The following EPDR1 variants were observed in gnomAD, a reference collection of about 807,000 sequenced individuals.
EPDR1 encodes the protein ependymin related 1, also known as mammalian ependymin-related protein 1.
In EPDR1, 27 loss-of-function variants were observed where a neutral mutation model predicts 23.7. The observed-to-expected ratio is 1.14, with a 90% confidence interval of 0.84 to 1.57. The LOEUF is 1.57. Ranked by LOEUF, EPDR1 falls within the 40% of genes most tolerant of loss-of-function variation. The probability of loss-of-function intolerance (pLI) is 0.00; values close to 1 mark genes in which losing one functional copy is unlikely to be tolerated. For synonymous variants in EPDR1, 137 were observed against 118.2 expected, an observed-to-expected ratio of 1.16 and a Z score of -1.03; for missense variants, 349 against 290.4, an observed-to-expected ratio of 1.20 and a Z score of -1.47.
At chr7:37,931,055 AT>A (rs140074253) in intron 1 of EPDR1, among the ~76,000 whole-genome samples, 58 of 150,892 alleles carry the variant, frequency 3.8e-4, no homozygotes, top group South Asian at 1.5e-3. Flanking sequence ...AAATTATTCA[AT>A]TTTTTTTTTC....
At position 37,948,786 on chromosome 7, in the gene EPDR1, G is replaced by C. The variant is rs977110226; in HGVS notation, c.270-54G>C. The C allele has an allele frequency of 6.3e-6, 9 of 1,423,672 alleles. No individual in the cohort carries two copies. In the East Asian group the frequency reaches 2.1e-4, roughly 32 times the overall value. The allele number at this position is 1,423,672 out of a possible 1,614,324, so 88.2% of individuals were successfully genotyped here. Reference sequence around the variant, plus strand: ...TCAAAGGTGTTTGTGCTGTTAAAAGGCACGAGGATGGTAACATGAAGTCCC... The same window carrying C: ...TCAAAGGTGTTTGTGCTGTTAAAAGCCACGAGGATGGTAACATGAAGTCCC... On this transcript the variant is annotated intron_variant, in intron 1 of 2. Coordinates refer to ENST00000199448, the MANE Select transcript of EPDR1 (RefSeq NM_017549.5).
At chr7:37,941,261 G>C (rs1048121817) in intron 1 of EPDR1, among the ~76,000 whole-genome samples, 4 of 152,154 alleles carry the variant, frequency 2.6e-5, no homozygotes, top group Non-Finnish European at 4.4e-5. Flanking sequence ...TTCAGGAAAC[G>C]GATTTGCCTA....
In EPDR1 at chr7:37,950,963, A is replaced by T. The variant is rs1786394264; in HGVS notation, c.*567A>T. ...AACTTAAATCCCTTCCAGACTTAAG[A>T]ATTTTATGGCATGGCCCAATTGATA... On this transcript the variant is annotated 3_prime_UTR_variant, in exon 3 of 3. Transcript: ENST00000199448. 6.6e-6 allele frequency: 1 copy of T among 152,224 alleles called. No individual in the cohort carries two copies. The highest frequency in any genetic ancestry group is 2.1e-4 in the South Asian group (1 of 4,836). The allele number at this position is 152,224 out of a possible 1,614,324, so 9.4% of individuals were successfully genotyped here. A position where few individuals can be genotyped will look rare whatever the true frequency, so the allele number is the denominator to read the frequency against.
At chr7:37,940,794 G>C (rs1216655347) in intron 1 of EPDR1, among the ~76,000 whole-genome samples, 3 of 133,370 alleles carry the variant, frequency 2.2e-5, no homozygotes, top group Non-Finnish European at 5.0e-5. Context: ...ATATGAATTC[G>C]AGTTTTTTTT....
intron 1 of EPDR1, among the ~76,000 whole-genome samples, chr7:37,945,358 T>A (rs1176396086): frequency 6.6e-6 from 1 of 152,226 alleles, no homozygotes; most frequent in Non-Finnish European, 1.5e-5. Flanking sequence ...AAGGTATGTG[T>A]CTGGGTTATT....
chr7:37,941,126 G>T (rs1338962798), intron 1 of EPDR1, among the ~76,000 whole-genome samples: 2 of 152,152 alleles, frequency 1.3e-5, no homozygotes, highest in African/African-American at 4.8e-5. Context: ...GACTTTAATT[G>T]TTTGTCATAC....
chr7:37,945,559 G>A (rs938256797), intron 1 of EPDR1, among the ~76,000 whole-genome samples: 1 of 152,154 alleles, frequency 6.6e-6, no homozygotes, highest in African/African-American at 2.4e-5. Flanking sequence ...GATTACAATG[G>A]AGCTGAAAAA....
At chr7:37,932,160 GT>G (rs36088957) in intron 1 of EPDR1, among the ~76,000 whole-genome samples, 50,679 of 151,814 alleles carry the variant, frequency 0.33, 8,684 homozygotes, top group South Asian at 0.45. Flanking sequence ...CACTTAATAT[GT>G]TTTTTTCCCC....
intron 1 of EPDR1, among the ~76,000 whole-genome samples, chr7:37,931,797 C>T (rs1785946227): frequency 6.6e-6 from 1 of 152,134 alleles, no homozygotes; most frequent in South Asian, 2.1e-4. Flanking sequence ...CTCCTGGGTT[C>T]AAGTGATTCT....
Position 37,920,647 on chromosome 7 carries a change from A to AC in EPDR1, c.-291dup. 1 of 1,568,534 alleles carries AC rather than the reference A, an allele frequency of 6.4e-7. No individual in the cohort carries two copies. The highest frequency in any genetic ancestry group is 8.7e-7 in the Non-Finnish European group (1 of 1,150,940). On this transcript the variant is annotated 5_prime_UTR_variant, in exon 1 of 3. Transcript: ENST00000199448. Reference sequence around the variant, plus strand: ...CTGTTGGCAGCAGTGAGCAGTGAAAACCGAAGCGGCAGAAGGCAGTGGCAG... The same window carrying AC: ...CTGTTGGCAGCAGTGAGCAGTGAAAACCCGAAGCGGCAGAAGGCAGTGGCAG...
intron 1 of EPDR1, among the ~76,000 whole-genome samples, chr7:37,934,026 G>C (rs373948145): frequency 2.8e-3 from 415 of 149,726 alleles, no homozygotes; most frequent in African/African-American, 9.3e-3. Flanking sequence ...ACCTAGGCTG[G>C]AGTGCAGTGG....
In EPDR1 at chr7:37,950,244, G is replaced by T. The variant is rs1324273414; in HGVS notation, c.523G>T (p.Val175Phe). The part of the protein sequence containing the change: ...GIYTVKDCYP[V>F]QETFTINYSV... Reference sequence around the variant, plus strand: ...CTATACAGTCAAGGATTGCTATCCTGTCCAGGAAACCTTTACCATAAACTA... The same window carrying T: ...CTATACAGTCAAGGATTGCTATCCTTTCCAGGAAACCTTTACCATAAACTA... Residue 175 changes from valine (V) to phenylalanine (F), a missense_variant, in exon 3 of 3, where the codon GTC (valine) becomes TTC (phenylalanine). Val to Phe is a conservative substitution (Grantham distance 50). Transcript: ENST00000199448. 6.2e-7 allele frequency: 1 copy of T among 1,614,070 alleles called. No homozygotes were observed. Among genetic ancestry groups the T allele is most frequent in the Non-Finnish European group, 8.5e-7 (1 of 1,179,990 alleles).
At chr7:37,937,734 G>T (rs35123011) in intron 1 of EPDR1, among the ~76,000 whole-genome samples, 36,500 of 152,004 alleles carry the variant, frequency 0.24, 4,623 homozygotes, top group East Asian at 0.31. Context: ...AGTTTCTCAA[G>T]TTCCACACCT....
At chr7:37,942,852 C>G (rs940733878) in intron 1 of EPDR1, among the ~76,000 whole-genome samples, 1 of 152,076 alleles carries the variant, frequency 6.6e-6, no homozygotes, top group African/African-American at 2.4e-5. Flanking sequence ...CATGGTGATT[C>G]GAGAGCCTAC....
chr7:37,931,251 C>T (rs769103960), intron 1 of EPDR1, among the ~76,000 whole-genome samples: 8 of 152,124 alleles, frequency 5.3e-5, no homozygotes, highest in Non-Finnish European at 8.8e-5. Flanking sequence ...CGGTGGCTCA[C>T]GCTTGTAATC....
intron 1 of EPDR1, among the ~76,000 whole-genome samples, chr7:37,924,971 A>T (rs1411727895): frequency 6.6e-6 from 1 of 152,214 alleles, no homozygotes. Flanking sequence ...TCCCATTGAT[A>T]GTTACTGTGG....
chr7:37,928,626 C>T (rs1562857654), intron 1 of EPDR1, among the ~76,000 whole-genome samples: 2 of 152,114 alleles, frequency 1.3e-5, no homozygotes, highest in African/African-American at 4.8e-5. Flanking sequence ...AGATTAATTC[C>T]CCAATCTTGA....
Position 37,931,055 on chromosome 7 carries a change from A to ATTT in EPDR1, c.269+9855_269+9857dup, listed in dbSNP as rs140074253. Among the ~76,000 whole-genome samples the ATTT allele has an allele frequency of 4.0e-4, 60 of 150,886 alleles. 1 individual carries two copies. The highest frequency in any genetic ancestry group is 3.4e-3 in the Middle Eastern group (1 of 294). On this transcript the variant is annotated intron_variant, in intron 1 of 2. Transcript: ENST00000199448. ...TTTAGTCAGCTAGAGAAATTATTCA[A>ATTT]TTTTTTTTTTCAGAGAAGACACTAA... is the stretch of plus-strand genomic sequence containing the variant.
chr7:37,943,288 A>T (rs62443122), intron 1 of EPDR1, among the ~76,000 whole-genome samples: 2,531 of 152,360 alleles, frequency 0.017, 40 homozygotes, highest in Non-Finnish European at 0.025. Flanking sequence ...CCTCTGTGAC[A>T]GAGCCAGTCT....
Sources: gnomAD v4.1 joint callset for allele counts (sites outside exome capture counted in the v4.1 genomes callset) on GRCh38, gnomAD v4.1.1 for gene constraint, MANE v1.5 for transcripts, NCBI Gene and HGNC (gene_info 2026-07-23, HGNC 2026-07-21) for gene names.